ERICH6B: variants seen among roughly 807,000 people sequenced by gnomAD.
The protein encoded by ERICH6B is glutamate-rich protein 6B.
In ERICH6B, 69 loss-of-function variants were observed where a neutral mutation model predicts 80.0. That is an observed-to-expected ratio of 0.86 (90% CI 0.71 to 1.05). The LOEUF (loss-of-function observed/expected upper bound fraction) is 1.05, where lower values mean the gene tolerates loss of function less well. Among genes scored for constraint, ERICH6B ranks in the 50% least tolerant of loss-of-function variants. The pLI, the probability that ERICH6B is intolerant of heterozygous loss-of-function variation, is 0.00. For missense variants in ERICH6B, 754 were observed against 796.1 expected, an observed-to-expected ratio of 0.95 and a Z score of 0.64; for synonymous variants, 283 against 291.9, an observed-to-expected ratio of 0.97 and a Z score of 0.31.
At chr13:45,564,450 C>T (rs893915280) in intron 9 of ERICH6B, among the ~76,000 whole-genome samples, 1 of 152,232 alleles carries the variant, frequency 6.6e-6, no homozygotes, top group Non-Finnish European at 1.5e-5. Context: ...GTAAGCTTCC[C>T]AGGCTTAATT....
At chr13:45,565,001 A>T (rs367980242) in intron 9 of ERICH6B, among the ~76,000 whole-genome samples, 1 of 152,264 alleles carries the variant, frequency 6.6e-6, no homozygotes, top group Non-Finnish European at 1.5e-5. Flanking sequence ...CTAAATTAGC[A>T]CATAGTAGGT....
rs188225483 is a variant in ERICH6B at position 45,576,695 on chromosome 13, C to T, written c.962-1765G>A. Among the ~76,000 whole-genome samples the T allele has an allele frequency of 1.4e-4, 21 of 151,798 alleles. No homozygotes were observed. The East Asian group carries it at 2.1e-3, about 15-fold the overall frequency. ...TAACTCAGCAACTTCCCATCATTTG[C>T]GATTGCCATATTTTAGTAGTTTTTT... On this transcript the variant is annotated intron_variant, in intron 7 of 14. Coordinates refer to ENST00000298738, the MANE Select transcript of ERICH6B (RefSeq NM_182542.3).
intron 13 of ERICH6B, among the ~76,000 whole-genome samples, chr13:45,546,468 T>C (rs2137956674): frequency 6.6e-6 from 1 of 152,344 alleles, no homozygotes; most frequent in African/African-American, 2.4e-5. Context: ...TAGAAATATC[T>C]ATTCACTGTA....
At chr13:45,606,526 TATATATATATATA>T (rs1949863715) in intron 2 of ERICH6B, among the ~76,000 whole-genome samples, 9 of 33,936 alleles carry the variant, frequency 2.7e-4, no homozygotes, top group East Asian at 1.0e-3. Flanking sequence ...TATATATATA[TATATATATATATA>T]TATATATATT....
At chr13:45,589,855 C>T (rs1310459660) in intron 4 of ERICH6B, among the ~76,000 whole-genome samples, 1 of 152,170 alleles carries the variant, frequency 6.6e-6, no homozygotes, top group Non-Finnish European at 1.5e-5. Flanking sequence ...CTTGCAGTGC[C>T]CCTGGAGGTG....
intron 8 of ERICH6B, among the ~76,000 whole-genome samples, chr13:45,574,497 G>A (rs1875297909): frequency 6.6e-6 from 1 of 152,186 alleles, no homozygotes. Context: ...GTGTCTCTCT[G>A]CAGGGTGGTG....
chr13:45,574,328 A>G (rs1396369514), intron 8 of ERICH6B, among the ~76,000 whole-genome samples: 2 of 152,210 alleles, frequency 1.3e-5, no homozygotes, highest in Non-Finnish European at 2.9e-5. Context: ...TTCATGTGGC[A>G]TATTTACAAA....
At chr13:45,576,360 G>A (rs2137995760) in intron 7 of ERICH6B, among the ~76,000 whole-genome samples, 1 of 152,312 alleles carries the variant, frequency 6.6e-6, no homozygotes, top group Admixed American at 6.5e-5. Context: ...CCCCACTGGG[G>A]TACCCACAAC....
intron 5 of ERICH6B, among the ~76,000 whole-genome samples, chr13:45,583,037 C>T (rs1465129799): frequency 6.6e-6 from 1 of 152,186 alleles, no homozygotes; most frequent in Non-Finnish European, 1.5e-5. Flanking sequence ...TCAGTACGTA[C>T]AAATTCTGGA....
chr13:45,587,878 T>A (rs898499758), intron 4 of ERICH6B, among the ~76,000 whole-genome samples: 7 of 152,164 alleles, frequency 4.6e-5, no homozygotes, highest in Non-Finnish European at 8.8e-5. Flanking sequence ...CCTTGGGGTG[T>A]CTTGGCCCTG....
intron 8 of ERICH6B, among the ~76,000 whole-genome samples, chr13:45,572,903 A>G (rs1875234299): frequency 6.6e-6 from 1 of 151,898 alleles, no homozygotes; most frequent in Admixed American, 6.6e-5. Context: ...CAACAATAAG[A>G]TGCTATTTCC....
intron 11 of ERICH6B, among the ~76,000 whole-genome samples, chr13:45,558,443 G>A (rs1445670126): frequency 6.6e-6 from 1 of 152,176 alleles, no homozygotes; most frequent in African/African-American, 2.4e-5. Flanking sequence ...TTGTCTGATT[G>A]CTTTGGCTAG....
At chr13:45,607,078 G>A (rs1949871591) in intron 2 of ERICH6B, among the ~76,000 whole-genome samples, 1 of 152,142 alleles carries the variant, frequency 6.6e-6, no homozygotes, top group African/African-American at 2.4e-5. Context: ...AGCACGCTGT[G>A]GTGAGTCTTA....
Position 45,601,102 on chromosome 13 carries a change from C to T in ERICH6B, c.-58-4039G>A, listed in dbSNP as rs964992081. On this transcript the variant is annotated intron_variant, in intron 2 of 14. Coordinates refer to ENST00000298738, the MANE Select transcript of ERICH6B (RefSeq NM_182542.3). ...CTTGTTAATTTCCCATCTACCCTGA[C>T]GATGCCTTGATGTTTCCTCTGAGTT... 7.2e-5 allele frequency among the ~76,000 whole-genome samples: 11 copies of T among 152,286 alleles called. 1 individual carries two copies. Among genetic ancestry groups the T allele is most frequent in the African/African-American group, 1.9e-4 (8 of 41,552 alleles).
intron 1 of ERICH6B, among the ~76,000 whole-genome samples, chr13:45,608,579 A>T (rs1415949345): frequency 6.6e-6 from 1 of 152,170 alleles, no homozygotes; most frequent in Non-Finnish European, 1.5e-5. Context: ...ACATTTTTGC[A>T]TGTTTTTTGT....
chr13:45,586,393 A>C (rs1875902872), intron 5 of ERICH6B, among the ~76,000 whole-genome samples: 1 of 152,176 alleles, frequency 6.6e-6, no homozygotes, highest in Non-Finnish European at 1.5e-5. Context: ...ATCCCACTAA[A>C]GCTGGATTTA....
intron 2 of ERICH6B, among the ~76,000 whole-genome samples, chr13:45,602,292 T>C (rs1297646417): frequency 6.6e-6 from 1 of 152,180 alleles, no homozygotes; most frequent in Admixed American, 6.5e-5. Flanking sequence ...TTGGTGATGC[T>C]TTGTTTGCCC....
intron 9 of ERICH6B, among the ~76,000 whole-genome samples, chr13:45,566,773 G>C (rs1392361734): frequency 6.6e-6 from 1 of 152,234 alleles, no homozygotes; most frequent in Non-Finnish European, 1.5e-5. Context: ...GAAATGTGGG[G>C]TCAGATCCCT....
intron 7 of ERICH6B, among the ~76,000 whole-genome samples, chr13:45,577,165 T>A (rs1382167508): frequency 6.6e-6 from 1 of 151,508 alleles, no homozygotes; most frequent in Non-Finnish European, 1.5e-5. Context: ...AATGGGACAA[T>A]AAGACTCATC....
Sources: allele counts gnomAD v4.1 joint callset (sites outside exome capture counted in the v4.1 genomes callset), GRCh38; gene constraint gnomAD v4.1.1; transcripts MANE v1.5; gene names NCBI Gene and HGNC (gene_info 2026-07-23, HGNC 2026-07-21).